BST1: variants seen among roughly 807,000 people sequenced by gnomAD.
BST1 encodes ADP-ribosyl cyclase/cyclic ADP-ribose hydrolase 2.
In BST1, 49 loss-of-function variants were observed where a neutral mutation model predicts 40.6. That is an observed-to-expected ratio of 1.21 (90% confidence interval 0.96 to 1.53). The LOEUF is 1.53. BST1 is among the 40% of genes most tolerant of loss of function. The pLI is 0.00. For missense variants in BST1, 423 were observed against 395.9 expected, an observed-to-expected ratio of 1.07 and a Z score of -0.58; for synonymous variants, 157 against 159.3, an observed-to-expected ratio of 0.99 and a Z score of 0.11.
the BST1 span, among the ~76,000 whole-genome samples, chr4:15,772,726 C>T: frequency 6.6e-6 from 1 of 152,200 alleles, no homozygotes; most frequent in South Asian, 2.1e-4. Context: ...TTAGAAAAGG[C>T]TTCCTGAGGA....
At chr4:15,773,435 A>G in the BST1 span, among the ~76,000 whole-genome samples, 2 of 151,906 alleles carry the variant, frequency 1.3e-5, no homozygotes, top group Non-Finnish European at 2.9e-5. Context: ...TTTTCTAACA[A>G]CTCTTTGGTC....
chr4:15,724,000 G>A (rs372530048), intron 8 of BST1, among the ~76,000 whole-genome samples: 5 of 152,108 alleles, frequency 3.3e-5, no homozygotes, highest in East Asian at 1.9e-4. Context: ...ATTCTTTTCC[G>A]AAATCTATTT....
the BST1 span, among the ~76,000 whole-genome samples, chr4:15,749,959 T>C: frequency 6.7e-6 from 1 of 149,928 alleles, no homozygotes; most frequent in African/African-American, 2.5e-5. Context: ...TTTGTATCCA[T>C]TAACCATCCC....
At chr4:15,719,662 GTTTTCTTGAACA>G (rs1271458869) in intron 7 of BST1, among the ~76,000 whole-genome samples, 2 of 152,150 alleles carry the variant, frequency 1.3e-5, no homozygotes, top group African/African-American at 4.8e-5. Flanking sequence ...AAACTGAGTG[GTTTTCTTGAACA>G]TTTCTGAGTG....
chr4:15,759,367 G>T, the BST1 span, among the ~76,000 whole-genome samples: 2 of 151,784 alleles, frequency 1.3e-5, no homozygotes, highest in Non-Finnish European at 2.9e-5. Context: ...TGTAAAGCAG[G>T]TATAGTAAGA....
At chr4:15,740,199 A>G (rs1375815527), downstream of BST1, among the ~76,000 whole-genome samples, 1 of 152,142 alleles carries the variant, frequency 6.6e-6, no homozygotes, top group East Asian at 1.9e-4. Context: ...GACTACAGGC[A>G]CACGCCACTA....
chr4:15,712,644 G>C (rs1327297342), intron 4 of BST1, among the ~76,000 whole-genome samples: 1 of 152,138 alleles, frequency 6.6e-6, no homozygotes, highest in Non-Finnish European at 1.5e-5. Flanking sequence ...TAGATCCTCA[G>C]GTATCCACTA....
the BST1 span, among the ~76,000 whole-genome samples, chr4:15,753,007 A>C: frequency 6.6e-6 from 1 of 151,048 alleles, no homozygotes; most frequent in Non-Finnish European, 1.5e-5. Context: ...ATAAATCACT[A>C]AGAAATATAA....
At chr4:15,768,872 C>T in the BST1 span, among the ~76,000 whole-genome samples, 1 of 152,146 alleles carries the variant, frequency 6.6e-6, no homozygotes, top group Non-Finnish European at 1.5e-5. Flanking sequence ...CTGCCACAGA[C>T]CCGTACCCAA....
At chr4:15,745,426 G>C in the BST1 span, among the ~76,000 whole-genome samples, 1 of 151,906 alleles carries the variant, frequency 6.6e-6, no homozygotes, top group Non-Finnish European at 1.5e-5. Flanking sequence ...CTTTTTTTCT[G>C]CTTTTTGAAC....
intron 2 of BST1, 116 bp downstream of exon 2, chr4:15,705,757 C>T: frequency 1.5e-6 from 2 of 1,351,882 alleles, no homozygotes; most frequent in Non-Finnish European, 2.1e-6. Flanking sequence ...ACAGAAACAT[C>T]AGGCAGCACA....
downstream of BST1, among the ~76,000 whole-genome samples, chr4:15,735,076 G>A (rs979263729): frequency 5.3e-5 from 8 of 152,134 alleles, no homozygotes; most frequent in Admixed American, 1.3e-4. Flanking sequence ...CTACCCAGAC[G>A]TGCTCTCTAC....
rs116405592 is a variant in BST1 at position 15,722,262 on chromosome 4, C to G, written c.792-613C>G. Among the ~76,000 whole-genome samples, 1,264 of 152,328 alleles carry G rather than the reference C, an allele frequency of 8.3e-3. 14 individuals carry two copies. Among genetic ancestry groups the G allele is most frequent in the African/African-American group, 0.027 (1,121 of 41,562 alleles). The stretch of plus-strand genomic sequence containing the variant: ...GCCCTTCAACTTGCTACTGTGAGAA[C>G]TTGGGTGGGTTATTGTGGTCAGCTT... On this transcript the variant is annotated intron_variant, in intron 7 of 8. Transcript: ENST00000265016.
chr4:15,773,151 AAGTT>A, the BST1 span, among the ~76,000 whole-genome samples: 1 of 152,208 alleles, frequency 6.6e-6, no homozygotes, highest in African/African-American at 2.4e-5. Flanking sequence ...CTCTTGGACT[AAGTT>A]AGTGGCACTG....
At chr4:15,748,728 C>T in the BST1 span, among the ~76,000 whole-genome samples, 5 of 152,186 alleles carry the variant, frequency 3.3e-5, no homozygotes, top group African/African-American at 9.7e-5. Context: ...ACACTACACC[C>T]GAGTTGATAG....
downstream of BST1, chr4:15,738,360 A>T (rs2037589331): frequency 6.5e-6 from 1 of 152,944 alleles, no homozygotes; most frequent in Non-Finnish European, 1.5e-5. Context: ...AAGAATAATG[A>T]CGTCTATAAG....
intron 8 of BST1, among the ~76,000 whole-genome samples, chr4:15,724,742 T>G (rs932151646): frequency 6.6e-6 from 1 of 152,088 alleles, no homozygotes; most frequent in African/African-American, 2.4e-5. Context: ...GCACATGCAC[T>G]GGTGAGCTGG....
intron 4 of BST1, among the ~76,000 whole-genome samples, chr4:15,712,784 C>T (rs1473490942): frequency 6.6e-6 from 1 of 152,170 alleles, no homozygotes; most frequent in East Asian, 1.9e-4. Flanking sequence ...CTGCCCACCC[C>T]AAGAGAGCAC....
Position 15,703,334 on chromosome 4 carries a change from T to A in BST1, c.188+2T>A. The A allele has an allele frequency of 6.8e-7, 1 of 1,471,248 alleles. No individual in the cohort carries two copies. Among genetic ancestry groups the A allele is most frequent in the Non-Finnish European group, 8.9e-7 (1 of 1,121,320 alleles). 91.1% of individuals were successfully genotyped at this position (1,471,248 alleles called of 1,614,324 possible). On this transcript the variant is annotated splice_donor_variant, in intron 1 of 8. Coordinates refer to ENST00000265016, the MANE Select transcript of BST1 (RefSeq NM_004334.3). LOFTEE classifies it high-confidence loss of function. Reference sequence around the variant, plus strand: ...CGCACTGCTGAGTCCCGAGCAGCGGTGAGGCAGTCGGCCGGGTGGAAGGGG... The same window carrying A: ...CGCACTGCTGAGTCCCGAGCAGCGGAGAGGCAGTCGGCCGGGTGGAAGGGG...
Sources: gnomAD v4.1 joint callset for allele counts (sites outside exome capture counted in the v4.1 genomes callset) on GRCh38, gnomAD v4.1.1 for gene constraint, MANE v1.5 for transcripts, NCBI Gene and HGNC (gene_info 2026-07-23, HGNC 2026-07-21) for gene names.